Variants in CA10 observed in about 807,000 individuals in gnomAD.
CA10 encodes carbonic anhydrase 10 (inactive).
A neutral mutation model predicts 44.2 loss-of-function variants in CA10; 14 were observed. The observed-to-expected ratio is 0.32, with a 90% CI of 0.21 to 0.50. The LOEUF is 0.50. Among genes scored for constraint, CA10 ranks in the 20% least tolerant of loss-of-function variants. CA10 has a pLI of 0.99. For synonymous variants in CA10, 159 were observed against 141.6 expected, an observed-to-expected ratio of 1.12 and a Z score of -0.87; for missense variants, 350 against 409.7, an observed-to-expected ratio of 0.85 and a Z score of 1.26.
intron 3 of CA10, among the ~76,000 whole-genome samples, chr17:51,798,087 T>C (rs1211036116): frequency 2.0e-5 from 3 of 152,184 alleles, no homozygotes; most frequent in Admixed American, 6.5e-5. Flanking sequence ...TCACCTCTTT[T>C]GTTTTGCTCC....
chr17:51,894,843 G>C (rs1410299915), intron 3 of CA10, among the ~76,000 whole-genome samples: 2 of 151,998 alleles, frequency 1.3e-5, no homozygotes, highest in African/African-American at 4.8e-5. Context: ...AAATCACAAG[G>C]AAAGAAAGAG....
At chr17:51,949,398 C>T (rs1031241135) in intron 2 of CA10, among the ~76,000 whole-genome samples, 3 of 152,176 alleles carry the variant, frequency 2.0e-5, no homozygotes, top group African/African-American at 7.2e-5. Context: ...TTTTCAAACT[C>T]ATTCATGAAT....
intron 2 of CA10, among the ~76,000 whole-genome samples, chr17:52,047,193 T>A (rs1045877421): frequency 2.6e-5 from 4 of 151,922 alleles, no homozygotes; most frequent in Admixed American, 1.3e-4. Context: ...AAAAGCACCA[T>A]GCTAAGGGAA....
chr17:51,698,022 T>C (rs1187646146), intron 4 of CA10, among the ~76,000 whole-genome samples: 5 of 152,208 alleles, frequency 3.3e-5, no homozygotes, highest in Non-Finnish European at 7.3e-5. Context: ...TCTGGACTTG[T>C]GGTGGCATCA....
intron 1 of CA10, among the ~76,000 whole-genome samples, chr17:52,145,768 T>G (rs768485988): frequency 2.1e-4 from 32 of 152,180 alleles, no homozygotes; most frequent in Non-Finnish European, 3.5e-4. Context: ...ACTTGCTTAC[T>G]CTCTCAAGGA....
At chr17:51,849,099 G>GTA (rs561752393) in intron 3 of CA10, among the ~76,000 whole-genome samples, 104 of 143,790 alleles carry the variant, frequency 7.2e-4, no homozygotes, top group Non-Finnish European at 1.3e-3. Context: ...GTATATTTAT[G>GTA]TATATATATG....
chr17:51,910,123 G>T (rs1282822876), intron 3 of CA10, among the ~76,000 whole-genome samples: 1 of 152,056 alleles, frequency 6.6e-6, no homozygotes, highest in Non-Finnish European at 1.5e-5. Context: ...AGAAGGGGAG[G>T]CTCATGTCCT....
intron 3 of CA10, among the ~76,000 whole-genome samples, chr17:51,780,193 C>T (rs1011370680): frequency 6.6e-6 from 1 of 152,164 alleles, no homozygotes; most frequent in Non-Finnish European, 1.5e-5. Context: ...TAGATGTCTT[C>T]CTGACTGTAT....
intron 2 of CA10, among the ~76,000 whole-genome samples, chr17:51,982,989 A>G (rs1337658747): frequency 1.3e-5 from 2 of 151,894 alleles, no homozygotes; most frequent in African/African-American, 4.8e-5. Flanking sequence ...GTTATGTTTT[A>G]GATTATTTTT....
intron 2 of CA10, among the ~76,000 whole-genome samples, chr17:52,033,514 T>C (rs767507623): frequency 6.6e-6 from 1 of 152,168 alleles, no homozygotes; most frequent in African/African-American, 2.4e-5. Context: ...TAAGTTTTCA[T>C]GAAGTGCAGA....
intron 3 of CA10, among the ~76,000 whole-genome samples, chr17:51,888,155 AT>A (rs1980697004): frequency 6.6e-6 from 1 of 152,160 alleles, no homozygotes; most frequent in African/African-American, 2.4e-5. Flanking sequence ...CCAGTAAGAG[AT>A]AATCAGAAGG....
intron 6 of CA10, among the ~76,000 whole-genome samples, chr17:51,641,280 A>G (rs941462380): frequency 2.0e-5 from 3 of 152,088 alleles, no homozygotes; most frequent in African/African-American, 7.2e-5. Flanking sequence ...TCTGAGTTCT[A>G]GTGGTAGCTT....
intron 6 of CA10, among the ~76,000 whole-genome samples, chr17:51,645,107 TC>T (rs1369518824): frequency 1.3e-5 from 2 of 152,156 alleles, no homozygotes; most frequent in African/African-American, 4.8e-5. Flanking sequence ...CTTGGCTTTT[TC>T]TTTAAAATAT....
intron 3 of CA10, among the ~76,000 whole-genome samples, chr17:51,927,096 G>A (rs948995820): frequency 4.6e-5 from 7 of 152,008 alleles, no homozygotes; most frequent in African/African-American, 1.7e-4. Context: ...CATATGATAA[G>A]GATTTGTCGT....
At chr17:52,010,760 C>T (rs576402956) in intron 2 of CA10, among the ~76,000 whole-genome samples, 1 of 151,728 alleles carries the variant, frequency 6.6e-6, no homozygotes, top group Non-Finnish European at 1.5e-5. Flanking sequence ...TTTTGTTCAA[C>T]ATGAACTTAT....
intron 2 of CA10, among the ~76,000 whole-genome samples, chr17:52,016,926 T>A (rs1490242065): frequency 6.6e-6 from 1 of 151,818 alleles, no homozygotes; most frequent in African/African-American, 2.4e-5. Context: ...ATAAATAAAT[T>A]AATTAAAATA....
At chr17:51,890,232 G>C (rs1404500219) in intron 3 of CA10, among the ~76,000 whole-genome samples, 1 of 152,136 alleles carries the variant, frequency 6.6e-6, no homozygotes, top group African/African-American at 2.4e-5. Flanking sequence ...GTCATTCATG[G>C]GGATAGAGTA....
chr17:51,966,759 G>A lies in CA10; in HGVS notation c.137-35627C>T, dbSNP rs150950345. Among the ~76,000 whole-genome samples the A allele has an allele frequency of 3.1e-3, 477 of 151,638 alleles. 5 individuals carry two copies. Among genetic ancestry groups the A allele is most frequent in the Middle Eastern group, 0.024 (7 of 292 alleles). On this transcript the variant is annotated intron_variant, in intron 2 of 8. Coordinates refer to ENST00000451037, the MANE Select transcript of CA10 (RefSeq NM_020178.5). Reference sequence around the variant, plus strand: ...CCTCCACCTATAAGAATCCCAGAAGGAAACCTAGGAAATACCATTCTGGAC... The same window carrying A: ...CCTCCACCTATAAGAATCCCAGAAGAAAACCTAGGAAATACCATTCTGGAC...
intron 3 of CA10, among the ~76,000 whole-genome samples, chr17:51,917,652 G>A (rs1982057721): frequency 6.6e-6 from 1 of 152,170 alleles, no homozygotes; most frequent in African/African-American, 2.4e-5. Flanking sequence ...GAGCCAGTAA[G>A]GAAGAAGATG....
Sources: allele counts gnomAD v4.1 joint callset (sites outside exome capture counted in the v4.1 genomes callset), GRCh38; gene constraint gnomAD v4.1.1; transcripts MANE v1.5; gene names NCBI Gene and HGNC (gene_info 2026-07-23, HGNC 2026-07-21).